Variants in NBEA observed in about 807,000 individuals in gnomAD.
NBEA encodes the protein lysosomal-trafficking regulator 2.
NBEA carries 44 observed loss-of-function variants against 343.4 expected under a neutral mutation model. The observed-to-expected ratio is 0.13, with a 90% CI of 0.10 to 0.16. NBEA has a LOEUF of 0.16. Ranked by LOEUF, NBEA falls within the 10% of genes least tolerant of loss-of-function variation. The pLI is 1.00. For missense variants in NBEA, 2,555 were observed against 3,631.3 expected, an observed-to-expected ratio of 0.70 and a Z score of 7.62; for synonymous variants, 1,175 against 1,238.7, an observed-to-expected ratio of 0.95 and a Z score of 1.08.
At chr13:35,554,902 T>C in intron 43 of NBEA, 85 bp from the exon 44 acceptor site, 1 of 551,118 alleles carries the variant, frequency 1.8e-6, no homozygotes, top group Non-Finnish European at 3.1e-6. Context: ...AAGTTGATTA[T>C]CAAAGCAATA....
intron 38 of NBEA, among the ~76,000 whole-genome samples, chr13:35,372,200 T>C (rs2041472712): frequency 6.6e-6 from 1 of 152,094 alleles, no homozygotes; most frequent in South Asian, 2.1e-4. Context: ...TGAGTGATGG[T>C]AATAATAATG....
At chr13:34,997,591 T>C (rs2060983233) in intron 1 of NBEA, among the ~76,000 whole-genome samples, 1 of 152,358 alleles carries the variant, frequency 6.6e-6, no homozygotes, top group East Asian at 1.9e-4. Context: ...TTTTGCATAA[T>C]AATTCATTTT....
chr13:34,943,016 C>T lies in NBEA; in HGVS notation c.196C>T (p.Pro66Ser), dbSNP rs2059078418. The change falls in exon 1 of 59, where the codon CCG becomes TCG. Residue 66 changes from proline (P) to serine (S), a missense_variant. Pro to Ser is a moderately conservative substitution (Grantham distance 74). Coordinates refer to ENST00000379939, the MANE Select transcript of NBEA (RefSeq NM_001385012.1). Reference protein sequence around the residue: ...LPAGMINPSVPIRNIRMKFAV... With the variant: ...LPAGMINPSVSIRNIRMKFAV... ...CGCGGGGATGATTAACCCTTCGGTGCCGATCCGCAACATCCGGATGAAATT... is the reference window on the plus strand; with the variant it reads ...CGCGGGGATGATTAACCCTTCGGTGTCGATCCGCAACATCCGGATGAAATT... The T allele has an allele frequency of 3.1e-6, 5 of 1,612,640 alleles. No individual in the cohort carries two copies. Among genetic ancestry groups the T allele is most frequent in the South Asian group, 1.1e-5 (1 of 91,072 alleles).
chr13:35,472,905 T>C (rs927948689), intron 41 of NBEA, among the ~76,000 whole-genome samples: 8 of 152,146 alleles, frequency 5.3e-5, no homozygotes, highest in African/African-American at 1.7e-4. Context: ...TTTTCAAAAC[T>C]TTATATTGTA....
intron 26 of NBEA, 100 bp from the exon 27 acceptor site, chr13:35,173,364 C>T (rs898784713): frequency 1.9e-6 from 2 of 1,061,646 alleles, no homozygotes; most frequent in African/African-American, 1.6e-5. Context: ...GTTTATGAAG[C>T]AAGGGGAAAG....
At chr13:35,635,918 T>C (rs1027528130) in intron 49 of NBEA, among the ~76,000 whole-genome samples, 3 of 152,216 alleles carry the variant, frequency 2.0e-5, no homozygotes, top group Non-Finnish European at 4.4e-5. Flanking sequence ...ATGTATGTCA[T>C]TTATGTGACT....
chr13:35,194,842 ATG>A (rs2072466871), intron 30 of NBEA, among the ~76,000 whole-genome samples: 2 of 152,182 alleles, frequency 1.3e-5, no homozygotes, highest in South Asian at 4.1e-4. Flanking sequence ...TTAATATTAT[ATG>A]TGTATTTCAT....
chr13:35,450,357 T>G (rs1007999163), intron 39 of NBEA, among the ~76,000 whole-genome samples: 23 of 151,790 alleles, frequency 1.5e-4, no homozygotes, highest in African/African-American at 5.6e-4. Context: ...CATTGTGGTA[T>G]ACATCTGTGG....
chr13:35,212,105 C>G (rs1394280415), intron 33 of NBEA, among the ~76,000 whole-genome samples: 1 of 152,012 alleles, frequency 6.6e-6, no homozygotes, highest in African/African-American at 2.4e-5. Flanking sequence ...ACACACTCAT[C>G]ATCAACAAAG....
At chr13:35,168,390 G>A (rs779260693) in intron 24 of NBEA, among the ~76,000 whole-genome samples, 1 of 151,124 alleles carries the variant, frequency 6.6e-6, no homozygotes, top group Non-Finnish European at 1.5e-5. Context: ...TCATATTCAG[G>A]CCTCATTTAG....
intron 49 of NBEA, 44 bp downstream of exon 49, chr13:35,628,292 C>A: frequency 7.3e-7 from 1 of 1,363,700 alleles, no homozygotes; most frequent in Non-Finnish European, 9.8e-7. Flanking sequence ...TCTGTCATCT[C>A]TCAAACACAA....
intron 1 of NBEA, among the ~76,000 whole-genome samples, chr13:34,957,959 G>C (rs2059551039): frequency 6.6e-6 from 1 of 152,006 alleles, no homozygotes; most frequent in African/African-American, 2.4e-5. Context: ...TTGTGGCGGT[G>C]AGCGCTTATA....
chr13:34,999,964 G>T (rs1016747401), intron 1 of NBEA, among the ~76,000 whole-genome samples: 3 of 152,116 alleles, frequency 2.0e-5, no homozygotes. Context: ...CGGTATGTCT[G>T]TATCTATCTT....
At chr13:35,027,451 T>C (rs563032074) in intron 1 of NBEA, among the ~76,000 whole-genome samples, 96 of 152,016 alleles carry the variant, frequency 6.3e-4, no homozygotes, top group African/African-American at 2.1e-3. Context: ...TGTTCTGATA[T>C]ATATGCAGGG....
intron 41 of NBEA, among the ~76,000 whole-genome samples, chr13:35,507,893 G>A (rs570074255): frequency 6.6e-6 from 1 of 152,178 alleles, no homozygotes; most frequent in East Asian, 1.9e-4. Flanking sequence ...GATCATTTTA[G>A]TAGTCATGTC....
chr13:35,344,734 T>G (rs116738483), intron 36 of NBEA, among the ~76,000 whole-genome samples: 211 of 152,186 alleles, frequency 1.4e-3, no homozygotes, highest in African/African-American at 5.0e-3. Context: ...AATAGTTCTT[T>G]AAGTATGAAA....
chr13:35,035,117 T>A (rs369205738), intron 1 of NBEA, among the ~76,000 whole-genome samples: 1 of 151,868 alleles, frequency 6.6e-6, no homozygotes, highest in African/African-American at 2.4e-5. Flanking sequence ...CATTTGATTG[T>A]CTGTTTGATA....
Position 35,161,969 on chromosome 13 carries a change from T to TAGAAATATTTGCTTTTAATTTATAAAAA in NBEA, c.4079+12_4079+13insGCTTTTAATTTATAAAAAAGAAATATTT. 1 of 1,535,012 alleles carries TAGAAATATTTGCTTTTAATTTATAAAAA rather than the reference T, an allele frequency of 6.5e-7. No individual in the cohort carries two copies. The highest frequency in any genetic ancestry group is 8.8e-7 in the Non-Finnish European group (1 of 1,135,968). On this transcript the variant is annotated splice_region_variant and intron_variant, in intron 23 of 58. Transcript: ENST00000379939. ...AACTGATGTACATGTTTGGAGGAGG[T>TAGAAATATTTGCTTTTAATTTATAAAAA]AGAAATATTTCTTTTTTATAAATTA...
intron 34 of NBEA, among the ~76,000 whole-genome samples, chr13:35,272,624 A>G (rs1310025827): frequency 2.0e-5 from 3 of 152,220 alleles, no homozygotes; most frequent in African/African-American, 7.2e-5. Flanking sequence ...TCACGTGCAA[A>G]GACACACATA....
Sources: allele counts gnomAD v4.1 joint callset (sites outside exome capture counted in the v4.1 genomes callset), GRCh38; gene constraint gnomAD v4.1.1; transcripts MANE v1.5; gene names NCBI Gene and HGNC (gene_info 2026-07-23, HGNC 2026-07-21).